SLC35F1: variants seen among roughly 807,000 people sequenced by gnomAD.
SLC35F1 encodes the protein chromosome 6 open reading frame 169.
Under a neutral mutation model 48.7 loss-of-function variants are expected in SLC35F1, and 14 were observed. The ratio of observed to expected loss-of-function variants is 0.29; its 90% confidence interval spans 0.19 to 0.45. The LOEUF (loss-of-function observed/expected upper bound fraction) is 0.45. Among genes scored for constraint, SLC35F1 ranks in the 20% least tolerant of loss-of-function variants. The pLI is 1.00. For synonymous variants in SLC35F1, 190 were observed against 202.2 expected, an observed-to-expected ratio of 0.94 and a Z score of 0.51; for missense variants, 404 against 500.0, an observed-to-expected ratio of 0.81 and a Z score of 1.83.
chr6:117,952,198 A>C (rs1776370939), intron 1 of SLC35F1, among the ~76,000 whole-genome samples: 1 of 151,982 alleles, frequency 6.6e-6, no homozygotes, highest in South Asian at 2.1e-4. Flanking sequence ...GTGTGTGTGC[A>C]TGTGTAGGGC....
intron 1 of SLC35F1, among the ~76,000 whole-genome samples, chr6:118,018,897 G>A (rs1777356947): frequency 6.6e-6 from 1 of 152,148 alleles, no homozygotes; most frequent in Non-Finnish European, 1.5e-5. Context: ...TCCAATACAC[G>A]TGCCATGACA....
At chr6:118,027,121 A>G (rs1771970493) in intron 1 of SLC35F1, among the ~76,000 whole-genome samples, 1 of 152,076 alleles carries the variant, frequency 6.6e-6, no homozygotes, top group South Asian at 2.1e-4. Context: ...ATCCTTGTTG[A>G]TGCATGTATT....
chr6:117,911,687 C>T (rs1775765867), intron 1 of SLC35F1, among the ~76,000 whole-genome samples: 1 of 151,946 alleles, frequency 6.6e-6, no homozygotes, highest in Admixed American at 6.6e-5. Context: ...CTCAAGTCAC[C>T]CTCCCACCTT....
chr6:117,985,571 G>T (rs1776836997), intron 1 of SLC35F1, among the ~76,000 whole-genome samples: 1 of 151,888 alleles, frequency 6.6e-6, no homozygotes, highest in South Asian at 2.1e-4. Flanking sequence ...ACAGCATAAA[G>T]GATCATCTGA....
At chr6:118,136,790 C>G (rs1773803362) in intron 1 of SLC35F1, among the ~76,000 whole-genome samples, 1 of 152,196 alleles carries the variant, frequency 6.6e-6, no homozygotes, top group Non-Finnish European at 1.5e-5. Context: ...TCTCATCTCT[C>G]TCACTAATAT....
intron 1 of SLC35F1, among the ~76,000 whole-genome samples, chr6:117,939,027 C>T (rs74930938): frequency 6.7e-5 from 9 of 134,334 alleles, no homozygotes; most frequent in East Asian, 2.2e-4. Context: ...TTTTTTTTTC[C>T]GGAGACAGCC....
intron 1 of SLC35F1, among the ~76,000 whole-genome samples, chr6:118,033,969 A>G (rs932392901): frequency 2.0e-5 from 3 of 152,228 alleles, no homozygotes; most frequent in African/African-American, 4.8e-5. Context: ...GAATCAATCA[A>G]TTAGTTAACA....
chr6:118,100,187 A>G (rs1773236149), intron 1 of SLC35F1, among the ~76,000 whole-genome samples: 1 of 152,186 alleles, frequency 6.6e-6, no homozygotes, highest in African/African-American at 2.4e-5. Flanking sequence ...CTGGTGCCAA[A>G]GCCTAGGCAT....
intron 1 of SLC35F1, among the ~76,000 whole-genome samples, chr6:118,096,716 T>G (rs1379704280): frequency 6.6e-6 from 1 of 152,194 alleles, no homozygotes; most frequent in East Asian, 1.9e-4. Context: ...CTCACCTTCC[T>G]TTTGGACCAT....
chr6:118,201,049 C>G (rs1346809071), intron 2 of SLC35F1, among the ~76,000 whole-genome samples: 2 of 152,114 alleles, frequency 1.3e-5, no homozygotes, highest in Non-Finnish European at 2.9e-5. Flanking sequence ...GTAGCTGGGA[C>G]TACAGGTGCA....
At chr6:117,958,297 GAT>G (rs947258800) in intron 1 of SLC35F1, among the ~76,000 whole-genome samples, 12 of 151,990 alleles carry the variant, frequency 7.9e-5, no homozygotes, top group African/African-American at 2.9e-4. Flanking sequence ...AAGTAAAAAA[GAT>G]ATAATAAGCT....
intron 1 of SLC35F1, among the ~76,000 whole-genome samples, chr6:117,932,098 C>G (rs1464240621): frequency 6.6e-6 from 1 of 152,134 alleles, no homozygotes. Context: ...TCTTCTGCCA[C>G]ATGAGGACAC....
chr6:118,249,279 G>C (rs1393970905), intron 3 of SLC35F1, among the ~76,000 whole-genome samples: 1 of 152,204 alleles, frequency 6.6e-6, no homozygotes, highest in African/African-American at 2.4e-5. Flanking sequence ...GCCCACCCTT[G>C]CTTGTGTTTC....
intron 2 of SLC35F1, among the ~76,000 whole-genome samples, chr6:118,224,402 G>A (rs1263224102): frequency 6.6e-6 from 1 of 152,086 alleles, no homozygotes; most frequent in Non-Finnish European, 1.5e-5. Flanking sequence ...TTACTGTTTT[G>A]TTTTGTTTTT....
intron 7 of SLC35F1, among the ~76,000 whole-genome samples, chr6:118,307,011 G>C (rs1457694657): frequency 6.6e-6 from 1 of 152,194 alleles, no homozygotes; most frequent in African/African-American, 2.4e-5. Context: ...AACCAAACTG[G>C]GATAGCAGCT....
At chr6:117,988,284 G>C (rs1776873528) in intron 1 of SLC35F1, among the ~76,000 whole-genome samples, 1 of 152,174 alleles carries the variant, frequency 6.6e-6, no homozygotes, top group Admixed American at 6.5e-5. Flanking sequence ...CCTGAGGTTG[G>C]AGACAAGATG....
chr6:118,179,538 T>C (rs1774541012), intron 2 of SLC35F1, among the ~76,000 whole-genome samples: 2 of 152,182 alleles, frequency 1.3e-5, no homozygotes, highest in South Asian at 4.1e-4. Flanking sequence ...ATTCAAATGC[T>C]ATTCTTTTCT....
intron 1 of SLC35F1, among the ~76,000 whole-genome samples, chr6:117,966,734 T>C (rs1776575982): frequency 6.6e-6 from 1 of 152,222 alleles, no homozygotes; most frequent in Admixed American, 6.5e-5. Context: ...GTCTTGTCTC[T>C]GTTTCCTGTG....
intron 2 of SLC35F1, among the ~76,000 whole-genome samples, chr6:118,220,668 G>C (rs1775134926): frequency 6.6e-6 from 1 of 152,196 alleles, no homozygotes; most frequent in Non-Finnish European, 1.5e-5. Flanking sequence ...GAAAGCAACA[G>C]CTTTCAAAGC....
Sources: gnomAD v4.1 joint callset for allele counts (sites outside exome capture counted in the v4.1 genomes callset) on GRCh38, gnomAD v4.1.1 for gene constraint, MANE v1.5 for transcripts, NCBI Gene and HGNC (gene_info 2026-07-23, HGNC 2026-07-21) for gene names.